Variants in NSRP1 observed in about 807,000 individuals in gnomAD.
The protein encoded by NSRP1 is nuclear speckle splicing regulatory protein 1, also known as coiled-coil domain containing 55.
A neutral mutation model predicts 54.7 loss-of-function variants in NSRP1; 24 were observed. The observed-to-expected ratio is 0.44, with a 90% CI of 0.32 to 0.62. NSRP1 has a LOEUF of 0.62. Among genes scored for constraint, NSRP1 ranks in the 20% least tolerant of loss-of-function variants. The probability of loss-of-function intolerance (pLI) is 0.06; values close to 1 mark genes in which losing one functional copy is unlikely to be tolerated. For missense variants in NSRP1, 596 were observed against 651.2 expected, an observed-to-expected ratio of 0.92 and a Z score of 0.92; for synonymous variants, 210 against 213.8, an observed-to-expected ratio of 0.98 and a Z score of 0.15.
At chr17:30,120,387 G>A (rs2071586178) in intron 2 of NSRP1, among the ~76,000 whole-genome samples, 1 of 151,390 alleles carries the variant, frequency 6.6e-6, no homozygotes, top group African/African-American at 2.4e-5. Flanking sequence ...TTTTCAAATG[G>A]AATATTGAGG....
chr17:30,181,672 G>T (rs985358053), intron 6 of NSRP1, among the ~76,000 whole-genome samples: 9 of 149,856 alleles, frequency 6.0e-5, no homozygotes, highest in African/African-American at 1.5e-4. Context: ...GTGCAATGGC[G>T]CGATCTCTGC....
rs1449530389 is a variant in NSRP1 at position 30,185,381 on chromosome 17, G to T, written c.1384G>T (p.Ala462Ser). The T allele has an allele frequency of 6.2e-7, 1 of 1,612,494 alleles. No homozygotes were observed. The highest frequency in any genetic ancestry group is 8.5e-7 in the Non-Finnish European group (1 of 1,179,658). Residue 462 changes from alanine (A) to serine (S), a missense_variant, in exon 7 of 7, where the codon GCA (alanine) becomes TCA (serine). Ala to Ser is a moderately conservative substitution (Grantham distance 99). Coordinates refer to ENST00000247026, the MANE Select transcript of NSRP1 (RefSeq NM_032141.4). Reference protein sequence around the residue: ...DRKESSPNSRAKDKFLDQERS... With the variant: ...DRKESSPNSRSKDKFLDQERS... ...AAAGGAAAGCAGCCCAAATTCTAGG[G>T]CAAAGGATAAATTTCTTGACCAAGA...
rs563420375 is a variant in NSRP1, at chr17:30,127,835, A to T, written c.114+9662A>T. Reference sequence around the variant, plus strand: ...TTTTATTTAATTTACATTACTTATTATTTTTTTTCATTTTTTGAGACAGGA... The same window carrying T: ...TTTTATTTAATTTACATTACTTATTTTTTTTTTTCATTTTTTGAGACAGGA... On this transcript the variant is annotated intron_variant, in intron 2 of 6. Transcript: ENST00000247026. 7 of 393,192 alleles carry T rather than the reference A, an allele frequency of 1.8e-5. No homozygotes were observed. The East Asian group carries it at 1.8e-4, about 10-fold the overall frequency. The allele number at this position is 393,192 out of a possible 1,614,324, so 24.4% of individuals were successfully genotyped here.
At chr17:30,117,323 C>A (rs1386088244) in intron 1 of NSRP1, 1 of 566,086 alleles carries the variant, frequency 1.8e-6, no homozygotes. Context: ...TGAGAAGCCA[C>A]AGAAAAAGGG....
intron 6 of NSRP1, 71 bp from the exon 7 acceptor site, chr17:30,184,544 A>G: frequency 1.3e-6 from 2 of 1,486,674 alleles, no homozygotes; most frequent in Non-Finnish European, 1.8e-6. Flanking sequence ...AATTATATGA[A>G]CCCTTCATTT....
At chr17:30,121,619 G>A (rs1166919108) in intron 2 of NSRP1, among the ~76,000 whole-genome samples, 7 of 149,490 alleles carry the variant, frequency 4.7e-5, no homozygotes, top group Middle Eastern at 3.4e-3. Flanking sequence ...GCTGGAGTGC[G>A]GTGGCGTGAT....
In NSRP1 at chr17:30,137,103, G is replaced by A. The variant is rs74665105; in HGVS notation, c.114+18930G>A. ...TGTTGAAATATAGTGGTAATAGCAG[G>A]CATCCTTTTCTTGTTTCTGACCTTA... On this transcript the variant is annotated intron_variant, in intron 2 of 6. Transcript: ENST00000247026. Among the ~76,000 whole-genome samples the A allele has an allele frequency of 7.2e-3, 1,102 of 152,148 alleles. 20 individuals are homozygous for A. The highest frequency in any genetic ancestry group is 0.025 in the African/African-American group (1,046 of 41,498).
intron 2 of NSRP1, among the ~76,000 whole-genome samples, chr17:30,133,118 T>C (rs1309040330): frequency 8.0e-5 from 12 of 150,106 alleles, no homozygotes; most frequent in Admixed American, 5.3e-4. Flanking sequence ...TATTTTTTTT[T>C]TTTTTTTTTT....
At chr17:30,172,421 T>C (rs1042737163) in intron 2 of NSRP1, 121 bp from the exon 3 acceptor site, 43 of 617,738 alleles carry the variant, frequency 7.0e-5, no homozygotes, top group Non-Finnish European at 9.7e-5. Flanking sequence ...AACCAGTAAG[T>C]ATTTTAAAAA....
At chr17:30,117,001 C>T (rs555746383) in intron 1 of NSRP1, 138 bp downstream of exon 1, 4 of 1,116,938 alleles carry the variant, frequency 3.6e-6, no homozygotes, top group Admixed American at 2.0e-5. Context: ...ACGAGAAGTC[C>T]TGAGGAACAT....
Position 30,185,012 on chromosome 17 carries a change from A to G in NSRP1, c.1015A>G (p.Lys339Glu), listed in dbSNP as rs1567809456. The change falls in exon 7 of 7, where the codon AAA (lysine) becomes GAA (glutamate). Residue 339 changes from lysine to glutamate, a missense_variant. Transcript: ENST00000247026. Reference protein sequence around the residue: ...ENHYTDRDYRKERDSHRHREA... With the variant: ...ENHYTDRDYREERDSHRHREA... ...CCATTACACTGACCGTGATTACCGGAAAGAAAGGGATTCTCATAGGCACAG... is the reference window on the plus strand; with the variant it reads ...CCATTACACTGACCGTGATTACCGGGAAGAAAGGGATTCTCATAGGCACAG... 7 of 1,614,178 alleles carry G rather than the reference A, an allele frequency of 4.3e-6. No homozygotes were observed. The highest frequency in any genetic ancestry group is 5.9e-6 in the Non-Finnish European group (7 of 1,180,042).
At chr17:30,127,454 G>T (rs535439226) in intron 2 of NSRP1, among the ~76,000 whole-genome samples, 76 of 152,258 alleles carry the variant, frequency 5.0e-4, no homozygotes, top group African/African-American at 1.6e-3. Flanking sequence ...TTGCTCTGCT[G>T]CCCAGGCTGG....
Position 30,185,430 on chromosome 17 carries a change from T to C in NSRP1, c.1433T>C (p.Met478Thr). The stretch of plus-strand genomic sequence containing the variant: ...GAAAGATCCAACAAAATGAGAAACA[T>C]GGCAAAGGACAAAGAAAGAAACCAA... ...DQERSNKMRNMAKDKERNQEK... is the reference protein window; with the variant it reads ...DQERSNKMRNTAKDKERNQEK... Residue 478 changes from methionine to threonine, a missense_variant, in exon 7 of 7, where the codon ATG becomes ACG. Transcript: ENST00000247026. 6.2e-7 allele frequency: 1 copy of C among 1,608,790 alleles called. No individual in the cohort carries two copies. Among genetic ancestry groups the C allele is most frequent in the South Asian group, 1.1e-5 (1 of 89,506 alleles).
intron 2 of NSRP1, among the ~76,000 whole-genome samples, chr17:30,158,029 T>G (rs116286398): frequency 1.1e-4 from 17 of 152,304 alleles, no homozygotes; most frequent in African/African-American, 4.1e-4. Context: ...TGGGTCTTAA[T>G]GGTAGTTCTA....
chr17:30,117,895 T>C (rs1259349449), intron 1 of NSRP1, 185 bp from the exon 2 acceptor site: 4 of 512,174 alleles, frequency 7.8e-6, no homozygotes, highest in Admixed American at 3.3e-5. Flanking sequence ...CTTAGAGTAG[T>C]AATTATAGAA....
intron 2 of NSRP1, among the ~76,000 whole-genome samples, chr17:30,143,819 A>G (rs1343910700): frequency 6.6e-6 from 1 of 152,146 alleles, no homozygotes; most frequent in Non-Finnish European, 1.5e-5. Context: ...ATATTTTAAA[A>G]TAAAGAATGT....
At chr17:30,139,510 AG>A (rs543781386) in intron 2 of NSRP1, among the ~76,000 whole-genome samples, 115 of 152,186 alleles carry the variant, frequency 7.6e-4, no homozygotes, top group African/African-American at 2.6e-3. Context: ...CCTTATGTTT[AG>A]GTCTTTAATC....
chr17:30,168,249 T>A (rs1489169406), intron 2 of NSRP1: 1 of 152,188 alleles, frequency 6.6e-6, no homozygotes, highest in Non-Finnish European at 1.5e-5. Flanking sequence ...AGGTGACTTC[T>A]ATATGTCATT....
intron 2 of NSRP1, among the ~76,000 whole-genome samples, chr17:30,159,401 A>C (rs1189808437): frequency 6.6e-6 from 1 of 152,014 alleles, no homozygotes; most frequent in African/African-American, 2.4e-5. Context: ...ATATAAGATC[A>C]TGTCATCTGC....
Sources: gnomAD v4.1 joint callset for allele counts (sites outside exome capture counted in the v4.1 genomes callset) on GRCh38, gnomAD v4.1.1 for gene constraint, MANE v1.5 for transcripts, NCBI Gene and HGNC (gene_info 2026-07-23, HGNC 2026-07-21) for gene names.